Variants in INSYN2A observed in about 807,000 individuals in gnomAD.
INSYN2A encodes inhibitory synaptic factor 2A.
A neutral mutation model predicts 39.4 loss-of-function variants in INSYN2A; 17 were observed. The observed-to-expected ratio is 0.43, with a 90% CI of 0.30 to 0.65. The LOEUF (loss-of-function observed/expected upper bound fraction) is 0.65, where lower values mean the gene tolerates loss of function less well. INSYN2A is among the 30% of genes least tolerant of loss of function. The pLI, the probability that INSYN2A is intolerant of heterozygous loss-of-function variation, is 0.14. For missense variants in INSYN2A, 595 were observed against 631.2 expected, an observed-to-expected ratio of 0.94 and a Z score of 0.61; for synonymous variants, 255 against 265.7, an observed-to-expected ratio of 0.96 and a Z score of 0.39.
chr10:127,168,636 T>A (rs2054292139), intron 4 of INSYN2A, among the ~76,000 whole-genome samples: 1 of 152,186 alleles, frequency 6.6e-6, no homozygotes, highest in Non-Finnish European at 1.5e-5. Flanking sequence ...TGATCTCTAT[T>A]AAGTGGGTAG....
chr10:127,154,830 A>ATGTATAAACATCAAC (rs2052880844), intron 4 of INSYN2A, among the ~76,000 whole-genome samples: 2 of 152,162 alleles, frequency 1.3e-5, no homozygotes, highest in Non-Finnish European at 2.9e-5. Flanking sequence ...GTATAAACAT[A>ATGTATAAACATCAAC]AAGGGTTGAT....
intron 5 of INSYN2A, among the ~76,000 whole-genome samples, chr10:127,140,818 T>C (rs2051168666): frequency 6.6e-6 from 1 of 152,202 alleles, no homozygotes; most frequent in Non-Finnish European, 1.5e-5. Context: ...CTCTTCTGGT[T>C]AGAGTAGTGG....
chr10:127,171,781 G>A (rs1483442130), intron 4 of INSYN2A, among the ~76,000 whole-genome samples: 1 of 152,156 alleles, frequency 6.6e-6, no homozygotes, highest in Non-Finnish European at 1.5e-5. Flanking sequence ...TTGGCCCACT[G>A]CAACCTCCAC....
intron 1 of INSYN2A, among the ~76,000 whole-genome samples, chr10:127,194,307 G>C (rs2056948729): frequency 6.6e-6 from 1 of 152,212 alleles, no homozygotes; most frequent in African/African-American, 2.4e-5. Context: ...AATGTAAGTA[G>C]TAAACATGGA....
intron 4 of INSYN2A, among the ~76,000 whole-genome samples, chr10:127,159,851 C>T (rs2053434661): frequency 6.6e-6 from 1 of 152,094 alleles, no homozygotes; most frequent in Non-Finnish European, 1.5e-5. Flanking sequence ...GCACCATGGC[C>T]ACGTCCTGGG....
At chr10:127,158,630 C>A (rs989269867) in intron 4 of INSYN2A, among the ~76,000 whole-genome samples, 11 of 152,118 alleles carry the variant, frequency 7.2e-5, no homozygotes, top group Admixed American at 7.2e-4. Flanking sequence ...AACACACTTA[C>A]CTATTTAAAG....
intron 4 of INSYN2A, among the ~76,000 whole-genome samples, chr10:127,169,058 G>T (rs2054329744): frequency 6.6e-6 from 1 of 152,116 alleles, no homozygotes; most frequent in Non-Finnish European, 1.5e-5. Context: ...CAATATTCTA[G>T]GTTAACGCAA....
chr10:127,175,933 G>C lies in INSYN2A; in HGVS notation c.463C>G (p.Pro155Ala). The C allele has an allele frequency of 6.2e-7, 1 of 1,614,212 alleles. No individual in the cohort carries two copies. The highest frequency in any genetic ancestry group is 8.5e-7 in the Non-Finnish European group (1 of 1,180,048). The change falls in exon 4 of 6, where the codon CCC becomes GCC. Residue 155 changes from proline (P) to alanine (A), a missense_variant. By Grantham distance (27) the Pro-to-Ala change is conservative (BLOSUM62 -1). Transcript: ENST00000522781. This position sits in a 1 kb window ranked among gnomAD's most constrained non-coding sequence, Gnocchi z 6.3. ...CCACATGGCCGGGCCTCCTCCATGG[G>C]TCCAGCCTCGTTCTTCTCTTTCGCA... The part of the protein sequence containing the change: ...TDAKEKNEAG[P>A]MEEARPCGAG...
chr10:127,173,057 G>T (rs1016955272), intron 4 of INSYN2A, among the ~76,000 whole-genome samples: 13 of 152,042 alleles, frequency 8.6e-5, no homozygotes, highest in African/African-American at 3.1e-4. Flanking sequence ...CCTGTGTGCC[G>T]GGCATATAGG....
chr10:127,184,289 C>T (rs1485493974), intron 2 of INSYN2A, among the ~76,000 whole-genome samples: 3 of 152,066 alleles, frequency 2.0e-5, no homozygotes. Context: ...CCAACAAGTG[C>T]TGCCAACGGC....
At chr10:127,161,453 T>C (rs2053587366) in intron 4 of INSYN2A, among the ~76,000 whole-genome samples, 3 of 152,212 alleles carry the variant, frequency 2.0e-5, no homozygotes, top group Admixed American at 6.5e-5. Context: ...TGAGCAGTTA[T>C]GAGATCCTTG....
At position 127,136,059 on chromosome 10, in the gene INSYN2A, A is replaced by G. The variant is rs558196298; in HGVS notation, c.*1778T>C. 1 of 152,712 alleles carries G rather than the reference A, an allele frequency of 6.5e-6. No individual in the cohort carries two copies. The highest frequency in any genetic ancestry group is 1.9e-4 in the East Asian group (1 of 5,184). 9.5% of individuals were successfully genotyped at this position (152,712 alleles called of 1,614,324 possible). On this transcript the variant is annotated 3_prime_UTR_variant, in exon 6 of 6. Transcript: ENST00000522781. ...ATATTTCTCAGTTCCTTTTATTGAT[A>G]TTCAGGGATTCGAACTTCATATAGT...
intron 5 of INSYN2A, among the ~76,000 whole-genome samples, chr10:127,152,106 C>T (rs970589807): frequency 1.3e-5 from 2 of 152,154 alleles, no homozygotes; most frequent in Non-Finnish European, 2.9e-5. Context: ...TGTCTTGACT[C>T]ACTGTTGCTT....
At chr10:127,156,280 T>A (rs921028537) in intron 4 of INSYN2A, among the ~76,000 whole-genome samples, 1 of 152,172 alleles carries the variant, frequency 6.6e-6, no homozygotes, top group African/African-American at 2.4e-5. Flanking sequence ...ACAGTCACAC[T>A]TCAGGTCCAG....
chr10:127,184,963 G>C (rs2056092823), intron 2 of INSYN2A, among the ~76,000 whole-genome samples: 1 of 152,176 alleles, frequency 6.6e-6, no homozygotes, highest in Non-Finnish European at 1.5e-5. Context: ...CTTTGGCAGT[G>C]TCTAGTCCAG....
Position 127,176,358 on chromosome 10 carries a change from G to A in INSYN2A, c.38C>T (p.Thr13Met). The change falls in exon 4 of 6, where the codon ACG becomes ATG. Residue 13 changes from threonine (T) to methionine (M), a missense_variant. Coordinates refer to ENST00000522781, the MANE Select transcript of INSYN2A (RefSeq NM_001039762.3). The surrounding 1 kb of genome is among the most constrained non-coding windows in gnomAD (Gnocchi z 4.4). ...GGCGGGTTCCACTTCACTCTCCGAC[G>A]TTGTGAGTATGCATTTGCCGGTGTC... ...SKDTGKCILT[T>M]SESEVEPAAC... is the part of the protein sequence containing the mutation. 1.2e-6 allele frequency: 2 copies of A among 1,612,774 alleles called. No individual in the cohort carries two copies. Among genetic ancestry groups the A allele is most frequent in the South Asian group, 1.1e-5 (1 of 90,970 alleles).
chr10:127,151,632 C>G (rs1351116755), intron 5 of INSYN2A, among the ~76,000 whole-genome samples: 1 of 152,128 alleles, frequency 6.6e-6, no homozygotes, highest in African/African-American at 2.4e-5. Flanking sequence ...CCCAAATCAC[C>G]CGTCTGTAAA....
intron 1 of INSYN2A, among the ~76,000 whole-genome samples, chr10:127,192,936 T>C (rs2134123347): frequency 6.6e-6 from 1 of 152,260 alleles, no homozygotes; most frequent in Admixed American, 6.5e-5. Flanking sequence ...AGTCATGAAG[T>C]TTCACTACAT....
intron 4 of INSYN2A, among the ~76,000 whole-genome samples, chr10:127,160,456 G>A (rs547243255): frequency 5.1e-4 from 77 of 152,308 alleles, no homozygotes; most frequent in Admixed American, 1.7e-3. Context: ...GCCCCTCCCT[G>A]GAAGATGTGT....
Sources: allele counts gnomAD v4.1 joint callset (sites outside exome capture counted in the v4.1 genomes callset), GRCh38; gene constraint gnomAD v4.1.1; non-coding constraint Gnocchi (gnomAD v3.1); transcripts MANE v1.5; gene names NCBI Gene and HGNC (gene_info 2026-07-23, HGNC 2026-07-21).